HJURP: variants seen among roughly 807,000 people sequenced by gnomAD.
HJURP encodes the protein Holliday junction recognition protein.
In HJURP, 49 loss-of-function variants were observed where a neutral mutation model predicts 72.0. That is an observed-to-expected ratio of 0.68 (90% confidence interval 0.54 to 0.86). HJURP has a LOEUF of 0.86. Ranked by LOEUF, HJURP falls within the 40% of genes least tolerant of loss-of-function variation. The probability of loss-of-function intolerance (pLI) is 0.00; values close to 1 mark genes in which losing one functional copy is unlikely to be tolerated. For synonymous variants in HJURP, 357 were observed against 347.1 expected (o/e 1.03, Z -0.32); for missense variants, 908 against 936.3 (o/e 0.97, Z 0.39).
intron 2 of HJURP, among the ~76,000 whole-genome samples, chr2:233,853,190 T>C (rs1429570097): frequency 2.0e-5 from 3 of 152,202 alleles, no homozygotes; most frequent in Non-Finnish European, 4.4e-5. Context: ...TAATGCAACA[T>C]AGAACTTGCT....
chr2:233,841,023 T>A lies in HJURP; in HGVS notation c.1757A>T (p.Lys586Met). 1 of 1,614,244 alleles carries A rather than the reference T, an allele frequency of 6.2e-7. No individual in the cohort carries two copies. The highest frequency in any genetic ancestry group is 8.5e-7 in the Non-Finnish European group (1 of 1,180,044). ...TTTGAGGCAATACTTTTGATGAAGCTTGTCAAATTCTTCTTTAATTTCATC... is the reference window on the plus strand; with the variant it reads ...TTTGAGGCAATACTTTTGATGAAGCATGTCAAATTCTTCTTTAATTTCATC... The part of the protein sequence containing the change: ...RYDEIKEEFD[K>M]LHQKYCLKSP... The change falls in exon 8 of 9, where the codon AAG (lysine) becomes ATG (methionine). Residue 586 changes from lysine (K) to methionine (M), a missense_variant. Transcript: ENST00000411486.
intron 1 of HJURP, 119 bp from the exon 2 acceptor site, chr2:233,854,029 G>A (rs543815407): frequency 1.6e-4 from 136 of 829,660 alleles, no homozygotes; most frequent in Non-Finnish European, 2.4e-4. Flanking sequence ...CCCCAAACGC[G>A]GTCTCTGCAG....
In HJURP at chr2:233,837,147, G is replaced by A. The variant is rs150170354; in HGVS notation, c.*430C>T. 42 of 185,548 alleles carry A rather than the reference G, an allele frequency of 2.3e-4. No individual in the cohort carries two copies. The highest frequency in any genetic ancestry group is 7.7e-4 in the African/African-American group (32 of 41,722). The allele number at this position is 185,548 out of a possible 1,614,324, so 11.5% of individuals were successfully genotyped here. A position where few individuals can be genotyped will look rare whatever the true frequency, so the allele number is the denominator to read the frequency against. On this transcript the variant is annotated 3_prime_UTR_variant, in exon 9 of 9. Transcript: ENST00000411486. ...CTAAAACTACAAAAATTAGCCAGGCGTGGTGGCGCGCGCCTGTAATCCCAG... is the reference window on the plus strand; with the variant it reads ...CTAAAACTACAAAAATTAGCCAGGCATGGTGGCGCGCGCCTGTAATCCCAG...
chr2:233,846,517 T>C lies in HJURP; in HGVS notation c.403-697A>G, dbSNP rs1705367072. ...TCAGGAGGCTCTCCTACCCCTCCCC[T>C]GCTAGACACTGGAAATAGAGGGCGT... On this transcript the variant is annotated intron_variant, in intron 5 of 8. Coordinates refer to ENST00000411486, the MANE Select transcript of HJURP (RefSeq NM_018410.5). This position sits in a 1 kb window ranked among gnomAD's most constrained non-coding sequence, Gnocchi z 4.3. 1.3e-5 allele frequency among the ~76,000 whole-genome samples: 2 copies of C among 152,132 alleles called. No homozygotes were observed. The highest frequency in any genetic ancestry group is 2.1e-4 in the South Asian group (1 of 4,832).
Position 233,840,716 on chromosome 2 carries a change from G to A in HJURP, c.2064C>T (p.Pro688=), listed in dbSNP as rs1705200246. ...FPAKRPRLSE[P]QGSGRQGNSL... ...AATTGCCCTGGCGTCCGGAGCCCTG[G>A]GGTTCTGATAGCCTGGGTCTTTTTG... is the stretch of plus-strand genomic sequence containing the variant. Residue 688 remains proline (P), a synonymous_variant, in exon 8 of 9, where the codon CCC becomes CCT. Transcript: ENST00000411486. 6.2e-7 allele frequency: 1 copy of A among 1,614,046 alleles called. No individual in the cohort carries two copies.
Position 233,841,373 on chromosome 2 carries a change from C to A in HJURP, c.1407G>T (p.Gly469=). The A allele has an allele frequency of 3.1e-6, 5 of 1,614,180 alleles. No individual in the cohort carries two copies. The highest frequency in any genetic ancestry group is 4.2e-6 in the Non-Finnish European group (5 of 1,180,020). The change falls in exon 8 of 9, where the codon GGG becomes GGT. Residue 469 remains glycine (G), a synonymous_variant. Transcript: ENST00000411486. ...PDSWAMNMYR[G]GPASPGGLQG... The stretch of plus-strand genomic sequence containing the variant: ...GAAGGCCACCAGGACTCGCAGGACC[C>A]CCTCTGTACATGTTCATGGCCCAGG...
chr2:233,850,250 G>C (rs180704661), intron 3 of HJURP, among the ~76,000 whole-genome samples: 23 of 152,338 alleles, frequency 1.5e-4, no homozygotes, highest in African/African-American at 5.5e-4. Context: ...TAGGCAAGTG[G>C]CCCCTGGGCA....
chr2:233,841,291 A>G lies in HJURP; in HGVS notation c.1489T>C (p.Leu497=). ...LPSSKAKAKS[L]SEAFENLGKR... is the part of the protein sequence containing the mutation. Reference sequence around the variant, plus strand: ...CCTAGGTTTTCAAAAGCCTCACTTAAACTTTTTGCTTTTGCTTTGCTGGAA... The same window carrying G: ...CCTAGGTTTTCAAAAGCCTCACTTAGACTTTTTGCTTTTGCTTTGCTGGAA... Residue 497 remains leucine (L), a synonymous_variant, in exon 8 of 9, where the codon TTA becomes CTA. Coordinates refer to ENST00000411486, the MANE Select transcript of HJURP (RefSeq NM_018410.5). 1.2e-6 allele frequency: 2 copies of G among 1,614,034 alleles called. No homozygotes were observed. Among genetic ancestry groups the G allele is most frequent in the Non-Finnish European group, 1.7e-6 (2 of 1,179,956 alleles).
chr2:233,846,088 T>G lies in HJURP; in HGVS notation c.403-268A>C, dbSNP rs1234341468. ...CATTGCTAGACCAGGAAAAAAAAAA[T>G]CTGAATATTCATAGGTGAGTTCAGG... is the stretch of plus-strand genomic sequence containing the variant. On this transcript the variant is annotated intron_variant, in intron 5 of 8. Transcript: ENST00000411486. This position sits in a 1 kb window ranked among gnomAD's most constrained non-coding sequence, Gnocchi z 4.3. The G allele has an allele frequency of 5.7e-6, 2 of 351,664 alleles. No homozygotes were observed. Among genetic ancestry groups the G allele is most frequent in the African/African-American group, 4.2e-5 (2 of 47,934 alleles). The allele number at this position is 351,664 out of a possible 1,614,324, so 21.8% of individuals were successfully genotyped here. A position where few individuals can be genotyped will look rare whatever the true frequency, so the allele number is the denominator to read the frequency against.
In HJURP at chr2:233,840,682, C is replaced by T. The variant is rs756755287; in HGVS notation, c.2098G>A (p.Ala700Thr). The change falls in exon 8 of 9, where the codon GCC becomes ACC. Residue 700 changes from alanine (A) to threonine (T), a missense_variant. Coordinates refer to ENST00000411486, the MANE Select transcript of HJURP (RefSeq NM_018410.5). Reference protein sequence around the residue: ...GSGRQGNSLGASDGVDNTVRP... With the variant: ...GSGRQGNSLGTSDGVDNTVRP... The stretch of plus-strand genomic sequence containing the variant: ...ACGGTGTTGTCCACCCCATCTGAGG[C>T]ACCCAGGGAATTGCCCTGGCGTCCG... 19 of 1,614,022 alleles carry T rather than the reference C, an allele frequency of 1.2e-5. No individual in the cohort carries two copies. In the Admixed American group the frequency reaches 2.7e-4, roughly 23 times the overall value.
Position 233,841,041 on chromosome 2 carries a change from A to G in HJURP, c.1739T>C (p.Ile580Thr). 6.2e-7 allele frequency: 1 copy of G among 1,614,164 alleles called. No individual in the cohort carries two copies. Among genetic ancestry groups the G allele is most frequent in the Non-Finnish European group, 8.5e-7 (1 of 1,180,030 alleles). The change falls in exon 8 of 9, where the codon ATT (isoleucine) becomes ACT (threonine). Residue 580 changes from isoleucine to threonine, a missense_variant. Physicochemically the swap from Ile to Thr is moderately conservative, Grantham distance 89. Around this residue, in one of 3 missense-constraint regions of HJURP, gnomAD observed 598 missense variants for 619.5 expected, o/e 0.97. Transcript: ENST00000411486. ...ATGAAGCTTGTCAAATTCTTCTTTA[A>G]TTTCATCGTAACGATTCCTTCCGTG... Reference protein sequence around the residue: ...PGHGRNRYDEIKEEFDKLHQK... With the variant: ...PGHGRNRYDETKEEFDKLHQK...
In HJURP at chr2:233,840,851, G is replaced by C; in HGVS notation, c.1929C>G (p.Pro643=). 6.2e-7 allele frequency: 1 copy of C among 1,614,120 alleles called. No individual in the cohort carries two copies. Among genetic ancestry groups the C allele is most frequent in the Non-Finnish European group, 8.5e-7 (1 of 1,180,032 alleles). The change falls in exon 8 of 9, where the codon CCC becomes CCG. Residue 643 remains proline, a synonymous_variant. Coordinates refer to ENST00000411486, the MANE Select transcript of HJURP (RefSeq NM_018410.5). ...CCAGTAGACTTTTTCTGCACCCCAG[G>C]GGTGATGATGGCAACTTCTGGAAAC... is the stretch of plus-strand genomic sequence containing the variant. ...FQGFQKLPSS[P]LGCRKSLLGS...
rs140874442 is a variant in HJURP at position 233,844,217 on chromosome 2, C to T, written c.562G>A (p.Val188Met). The T allele has an allele frequency of 3.1e-3, 5,002 of 1,614,018 alleles. 15 individuals are homozygous for T. The highest frequency in any genetic ancestry group is 3.9e-3 in the Non-Finnish European group (4,611 of 1,179,858). The part of the protein sequence containing the change: ...TPLPSLASPA[V>M]PAPGYCSRIS... ...ATGTCACACTCACCGGGGGCAGGCACGGCAGGTGAGGCCAGTGAAGGCAGC... is the reference window on the plus strand; with the variant it reads ...ATGTCACACTCACCGGGGGCAGGCATGGCAGGTGAGGCCAGTGAAGGCAGC... The change falls in exon 7 of 9, where the codon GTG becomes ATG. Residue 188 changes from valine (V) to methionine (M), a missense_variant. By Grantham distance (21) the Val-to-Met change is conservative. Transcript: ENST00000411486.
At chr2:233,843,126 C>T (rs1244293519) in intron 7 of HJURP, among the ~76,000 whole-genome samples, 1 of 152,006 alleles carries the variant, frequency 6.6e-6, no homozygotes, top group Non-Finnish European at 1.5e-5. Flanking sequence ...GAGGGAACTA[C>T]AGGAAGCAAA....
rs1022324756 is a variant in HJURP, at chr2:233,846,044, C to T, written c.403-224G>A. On this transcript the variant is annotated intron_variant, in intron 5 of 8. Coordinates refer to ENST00000411486, the MANE Select transcript of HJURP (RefSeq NM_018410.5). This position sits in a 1 kb window ranked among gnomAD's most constrained non-coding sequence, Gnocchi z 4.3. The stretch of plus-strand genomic sequence containing the variant: ...ACACACACACACAAAAAAACCATGT[C>T]TAGAGAAGTTTATGACAGCATTGCT... 1 of 470,116 alleles carries T rather than the reference C, an allele frequency of 2.1e-6. No homozygotes were observed. The highest frequency in any genetic ancestry group is 3.8e-6 in the Non-Finnish European group (1 of 264,660). 29.1% of individuals were successfully genotyped at this position (470,116 alleles called of 1,614,324 possible).
At chr2:233,845,153 T>C (rs1705331050) in intron 6 of HJURP, among the ~76,000 whole-genome samples, 2 of 151,800 alleles carry the variant, frequency 1.3e-5, no homozygotes, top group South Asian at 2.1e-4. Context: ...GTGGCCCCAA[T>C]AGATTTTTTT....
intron 3 of HJURP, among the ~76,000 whole-genome samples, chr2:233,851,292 C>T (rs13427471): frequency 0.19 from 29,511 of 152,026 alleles, 3,113 homozygotes; most frequent in African/African-American, 0.27. Flanking sequence ...TGGGAAGAGA[C>T]AAGGACCGGG....
chr2:233,847,978 G>A lies in HJURP; in HGVS notation c.338-517C>T, dbSNP rs28900712. 8.1e-3 allele frequency among the ~76,000 whole-genome samples: 1,232 copies of A among 152,264 alleles called. 31 individuals are homozygous for A. Among genetic ancestry groups the A allele is most frequent in the East Asian group, 0.072 (373 of 5,172 alleles). On this transcript the variant is annotated intron_variant, in intron 4 of 8. Transcript: ENST00000411486. ...ATAACTATTTCCTGTGATTTCAAGC[G>A]GTTGGGGAAATTCATGGACCTAAGG...
intron 3 of HJURP, among the ~76,000 whole-genome samples, chr2:233,851,545 C>A (rs1705496389): frequency 6.6e-6 from 1 of 151,836 alleles, no homozygotes; most frequent in Admixed American, 6.6e-5. Flanking sequence ...AATTGCCTAT[C>A]AACAGGAGAG....
Sources: gnomAD v4.1 joint callset for allele counts (sites outside exome capture counted in the v4.1 genomes callset) on GRCh38, gnomAD v4.1.1 for gene constraint, gnomAD v4.1.1 regional missense constraint, Gnocchi (gnomAD v3.1) non-coding constraint, MANE v1.5 for transcripts, NCBI Gene and HGNC (gene_info 2026-07-23, HGNC 2026-07-21) for gene names.